Variants in FSHR observed in about 807,000 individuals in gnomAD.
FSHR encodes follicle-stimulating hormone receptor.
Under a neutral mutation model 52.1 loss-of-function variants are expected in FSHR, and 46 were observed. The observed-to-expected ratio is 0.88, with a 90% CI of 0.70 to 1.13. FSHR has a LOEUF of 1.13. Among genes scored for constraint, FSHR ranks in the 50% most tolerant of loss-of-function variants. The probability of loss-of-function intolerance (pLI) is 0.00; values close to 1 mark genes in which losing one functional copy is unlikely to be tolerated. For missense variants in FSHR, 964 were observed against 834.6 expected (o/e 1.16, Z -1.91); for synonymous variants, 399 against 309.6 (o/e 1.29, Z -3.03).
At chr2:49,008,216 C>T (rs1667139606) in intron 4 of FSHR, among the ~76,000 whole-genome samples, 1 of 122,630 alleles carries the variant, frequency 8.2e-6, no homozygotes, top group South Asian at 3.0e-4. Flanking sequence ...GTGATATTCC[C>T]CTTCCTGTGT....
chr2:49,074,028 A>G (rs1669855043), intron 1 of FSHR, among the ~76,000 whole-genome samples: 1 of 152,120 alleles, frequency 6.6e-6, no homozygotes, highest in African/African-American at 2.4e-5. Context: ...CATTCTATAT[A>G]GAAATGACCA....
intron 9 of FSHR, among the ~76,000 whole-genome samples, chr2:48,968,039 T>G (rs1025603296): frequency 1.3e-5 from 2 of 152,216 alleles, no homozygotes; most frequent in African/African-American, 4.8e-5. Flanking sequence ...AAGGCGACTT[T>G]CTCTTTACTC....
At chr2:49,120,254 G>A (rs1264633460) in intron 1 of FSHR, among the ~76,000 whole-genome samples, 3 of 152,176 alleles carry the variant, frequency 2.0e-5, no homozygotes, top group African/African-American at 7.2e-5. Context: ...CTGGGCAAGA[G>A]AGTGAGACTC....
At position 48,963,343 on chromosome 2, in the gene FSHR, C is replaced by T. The variant is rs777241968; in HGVS notation, c.1478G>A (p.Gly493Asp). The T allele has an allele frequency of 2.5e-6, 4 of 1,613,962 alleles. No individual in the cohort carries two copies. The highest frequency in any genetic ancestry group is 8.5e-7 in the Non-Finnish European group (1 of 1,179,942). The change falls in exon 10 of 10, where the codon GGC (glycine) becomes GAC (aspartate). Residue 493 changes from glycine (G) to aspartate (D), a missense_variant. Physicochemically the swap from Gly to Asp is moderately conservative, Grantham distance 94. Coordinates refer to ENST00000406846, the MANE Select transcript of FSHR (RefSeq NM_000145.4). Reference protein sequence around the residue: ...LRHAASVMVMGWIFAFAAALF... With the variant: ...LRHAASVMVMDWIFAFAAALF... ...GGCAGCTGCAAAAGCAAAAATCCAG[C>T]CCATCACCATGACACTGGCAGCATG...
intron 2 of FSHR, among the ~76,000 whole-genome samples, chr2:49,023,258 CT>C (rs1182439019): frequency 6.6e-6 from 1 of 151,832 alleles, no homozygotes; most frequent in Non-Finnish European, 1.5e-5. Context: ...TTTGTCGTTG[CT>C]TTTTTTTGGT....
chr2:49,134,995 G>C (rs1437869509), intron 1 of FSHR, among the ~76,000 whole-genome samples: 1 of 152,096 alleles, frequency 6.6e-6, no homozygotes, highest in African/African-American at 2.4e-5. Context: ...CAGCACAGCA[G>C]CATGGCACAT....
At position 48,962,633 on chromosome 2, in the gene FSHR, A is replaced by G; in HGVS notation, c.*100T>C. ...AAAGGTATGCCAGGAATATTAAATTAGATGAAATGTGTAGAAGCACTGTCA... is the reference window on the plus strand; with the variant it reads ...AAAGGTATGCCAGGAATATTAAATTGGATGAAATGTGTAGAAGCACTGTCA... On this transcript the variant is annotated 3_prime_UTR_variant, in exon 10 of 10. Coordinates refer to ENST00000406846, the MANE Select transcript of FSHR (RefSeq NM_000145.4). 8.3e-7 allele frequency: 1 copy of G among 1,200,702 alleles called. No individual in the cohort carries two copies. 74.4% of individuals were successfully genotyped at this position (1,200,702 alleles called of 1,614,324 possible).
At chr2:49,031,368 T>G (rs1453333862) in intron 2 of FSHR, among the ~76,000 whole-genome samples, 1 of 152,228 alleles carries the variant, frequency 6.6e-6, no homozygotes, top group Non-Finnish European at 1.5e-5. Flanking sequence ...AAATTTTGTT[T>G]TGTTTTTCCA....
chr2:49,118,918 C>T (rs1223950592), intron 1 of FSHR, among the ~76,000 whole-genome samples: 1 of 152,184 alleles, frequency 6.6e-6, no homozygotes, highest in African/African-American at 2.4e-5. Context: ...ACCTGCACTC[C>T]CCTTTCTTGA....
chr2:49,003,912 C>T (rs913809384), intron 4 of FSHR, among the ~76,000 whole-genome samples: 2 of 152,064 alleles, frequency 1.3e-5, no homozygotes, highest in African/African-American at 2.4e-5. Context: ...ATGGGTAGCT[C>T]TCAATGTGTG....
intron 8 of FSHR, among the ~76,000 whole-genome samples, chr2:48,979,426 A>G (rs1030882635): frequency 6.6e-5 from 10 of 151,972 alleles, no homozygotes; most frequent in Non-Finnish European, 7.4e-5. Flanking sequence ...GGGTGATTAA[A>G]AAAAACCACA....
intron 8 of FSHR, among the ~76,000 whole-genome samples, chr2:48,980,621 C>T (rs1326329824): frequency 1.3e-5 from 2 of 152,182 alleles, no homozygotes; most frequent in African/African-American, 4.8e-5. Flanking sequence ...TTATTTTCCT[C>T]TCTATTTTAG....
intron 1 of FSHR, among the ~76,000 whole-genome samples, chr2:49,085,807 C>T (rs1056159505): frequency 2.6e-5 from 4 of 152,114 alleles, no homozygotes; most frequent in African/African-American, 9.7e-5. Flanking sequence ...AGTTCATGTC[C>T]TTTGTAGGGA....
chr2:48,981,610 A>T (rs1251647548), intron 8 of FSHR, among the ~76,000 whole-genome samples: 1 of 152,198 alleles, frequency 6.6e-6, no homozygotes. Context: ...CATGGTCAGG[A>T]TGATAAATCT....
At chr2:49,123,242 T>G (rs976195732) in intron 1 of FSHR, among the ~76,000 whole-genome samples, 1 of 152,146 alleles carries the variant, frequency 6.6e-6, no homozygotes, top group African/African-American at 2.4e-5. Flanking sequence ...GGTTCACATC[T>G]ATAATCCTAG....
intron 1 of FSHR, among the ~76,000 whole-genome samples, chr2:49,088,864 T>C (rs1036859941): frequency 1.3e-5 from 2 of 152,214 alleles, no homozygotes; most frequent in Non-Finnish European, 2.9e-5. Context: ...ATTTAGGTCT[T>C]TCATAATGCA....
chr2:49,068,018 C>T (rs1669571986), intron 2 of FSHR, among the ~76,000 whole-genome samples: 1 of 151,162 alleles, frequency 6.6e-6, no homozygotes, highest in South Asian at 2.1e-4. Flanking sequence ...TGCTCTTTTG[C>T]TCATTTCAAT....
intron 2 of FSHR, among the ~76,000 whole-genome samples, chr2:49,064,291 C>T (rs1401901539): frequency 6.6e-6 from 1 of 152,102 alleles, no homozygotes; most frequent in African/African-American, 2.4e-5. Flanking sequence ...AAAACTCAAT[C>T]TCCACTCCAA....
At chr2:49,009,308 C>A (rs376199340) in intron 4 of FSHR, among the ~76,000 whole-genome samples, 1 of 151,560 alleles carries the variant, frequency 6.6e-6, no homozygotes, top group South Asian at 2.1e-4. Flanking sequence ...GCTTGTTTTT[C>A]TCAGGCTTGT....
Sources: allele counts gnomAD v4.1 joint callset (sites outside exome capture counted in the v4.1 genomes callset), GRCh38; gene constraint gnomAD v4.1.1; transcripts MANE v1.5; gene names NCBI Gene and HGNC (gene_info 2026-07-23, HGNC 2026-07-21).